UNC5D: variants seen among roughly 807,000 people sequenced by gnomAD.
UNC5D encodes the protein netrin receptor UNC5D.
Under a neutral mutation model 105.4 loss-of-function variants are expected in UNC5D, and 39 were observed. The ratio of observed to expected loss-of-function variants is 0.37; its 90% CI spans 0.29 to 0.48. The LOEUF (loss-of-function observed/expected upper bound fraction) is 0.48, where lower values mean the gene tolerates loss of function less well. Ranked by LOEUF, UNC5D falls within the 20% of genes least tolerant of loss-of-function variation. UNC5D has a pLI of 0.98. For missense variants in UNC5D, 991 were observed against 1,202.4 expected, an observed-to-expected ratio of 0.82 and a Z score of 2.60; for synonymous variants, 452 against 450.4, an observed-to-expected ratio of 1.00 and a Z score of -0.04.
chr8:35,414,776 A>G (rs1805424010), intron 1 of UNC5D, among the ~76,000 whole-genome samples: 1 of 152,128 alleles, frequency 6.6e-6, no homozygotes, highest in South Asian at 2.1e-4. Context: ...TGGTTGTCTT[A>G]TTCATTCCTA....
At chr8:35,708,048 T>C (rs1428794774) in intron 8 of UNC5D, among the ~76,000 whole-genome samples, 1 of 152,170 alleles carries the variant, frequency 6.6e-6, no homozygotes, top group Non-Finnish European at 1.5e-5. Context: ...AGGGGCTTAA[T>C]GTGAGACTAC....
At chr8:35,249,934 T>G (rs1803578130) in intron 1 of UNC5D, among the ~76,000 whole-genome samples, 1 of 152,138 alleles carries the variant, frequency 6.6e-6, no homozygotes, top group South Asian at 2.1e-4. Context: ...CATTTTTTTT[T>G]TTCAAAATTG....
chr8:35,750,141 GT>G (rs894144853), intron 12 of UNC5D, among the ~76,000 whole-genome samples: 40 of 151,532 alleles, frequency 2.6e-4, no homozygotes, highest in African/African-American at 9.0e-4. Flanking sequence ...CATTTCTTGA[GT>G]TTTTTTTTCT....
intron 1 of UNC5D, among the ~76,000 whole-genome samples, chr8:35,447,217 A>G (rs889368678): frequency 1.3e-5 from 2 of 152,148 alleles, no homozygotes; most frequent in Non-Finnish European, 2.9e-5. Context: ...TATTTTGTAG[A>G]TGTACAATCT....
At chr8:35,311,491 A>G (rs1808881435) in intron 1 of UNC5D, among the ~76,000 whole-genome samples, 1 of 152,042 alleles carries the variant, frequency 6.6e-6, no homozygotes, top group African/African-American at 2.4e-5. Flanking sequence ...GACAATAATA[A>G]CCTCATCTTC....
At chr8:35,557,044 A>G (rs2130731673) in intron 2 of UNC5D, among the ~76,000 whole-genome samples, 1 of 152,358 alleles carries the variant, frequency 6.6e-6, no homozygotes, top group South Asian at 2.1e-4. Context: ...GATTGAAGCA[A>G]CAGGATTGGA....
intron 6 of UNC5D, 145 bp downstream of exon 6, chr8:35,684,894 G>C (rs777757836): frequency 9.1e-7 from 1 of 1,096,688 alleles, no homozygotes; most frequent in African/African-American, 1.6e-5. Context: ...CTAATGTAAA[G>C]CTCATTGTCA....
At chr8:35,345,687 G>C (rs1354827015) in intron 1 of UNC5D, among the ~76,000 whole-genome samples, 1 of 151,946 alleles carries the variant, frequency 6.6e-6, no homozygotes, top group Non-Finnish European at 1.5e-5. Flanking sequence ...TAAATGTTCT[G>C]TGTGCTCACA....
intron 16 of UNC5D, among the ~76,000 whole-genome samples, chr8:35,779,521 C>T (rs1388176037): frequency 6.6e-6 from 1 of 152,130 alleles, no homozygotes; most frequent in African/African-American, 2.4e-5. Context: ...TGCAGTGGCA[C>T]AATCTCGGCT....
rs1474032015 is a variant in UNC5D, at chr8:35,683,685, G to A, written c.709G>A (p.Val237Met). The change falls in exon 5 of 17, where the codon GTG (valine) becomes ATG (methionine). Residue 237 changes from valine (V) to methionine (M), a missense_variant. Around this residue, in one of 3 missense-constraint regions of UNC5D, gnomAD observed 944 missense variants for 1,131.6 expected, o/e 0.83. Transcript: ENST00000404895. ...TTACACCTGCATGGCAGCCAACATC[G>A]TGGCTAAGAGGAGAAGCCTGTCGGC... is the stretch of plus-strand genomic sequence containing the variant. ...GNYTCMAANI[V>M]AKRRSLSATV... The A allele has an allele frequency of 2.6e-6, 4 of 1,559,994 alleles. No homozygotes were observed. Among genetic ancestry groups the A allele is most frequent in the African/African-American group, 1.4e-5 (1 of 71,232 alleles).
At chr8:35,648,073 A>T in intron 4 of UNC5D, among the ~76,000 whole-genome samples, 1 of 152,168 alleles carries the variant, frequency 6.6e-6, no homozygotes, top group Non-Finnish European at 1.5e-5. Context: ...CTATAGGACA[A>T]TCTGGAGTCC....
At position 35,539,823 on chromosome 8, in the gene UNC5D, G is replaced by T. The variant is rs573903608; in HGVS notation, c.104-9469G>T. On this transcript the variant is annotated intron_variant, in intron 1 of 16. Coordinates refer to ENST00000404895, the MANE Select transcript of UNC5D (RefSeq NM_080872.4). ...AACAGGAGTGTATTTCTTTCAAAGA[G>T]AATTTAATGTTGTTTGTTCCTTACA... is the stretch of plus-strand genomic sequence containing the variant. Among the ~76,000 whole-genome samples, 85 of 152,260 alleles carry T rather than the reference G, an allele frequency of 5.6e-4. 1 individual carries two copies. Among genetic ancestry groups the T allele is most frequent in the Middle Eastern group, 3.4e-3 (1 of 294 alleles).
chr8:35,575,239 T>C (rs1371959386), intron 3 of UNC5D, among the ~76,000 whole-genome samples: 1 of 152,200 alleles, frequency 6.6e-6, no homozygotes, highest in Non-Finnish European at 1.5e-5. Flanking sequence ...CCCTTTTTCT[T>C]GACTCCTTAG....
intron 3 of UNC5D, among the ~76,000 whole-genome samples, chr8:35,587,965 AATAT>A (rs57681405): frequency 0.053 from 5,527 of 105,046 alleles, 359 homozygotes; most frequent in African/African-American, 0.094. Flanking sequence ...TAACTATAAT[AATAT>A]ATATATATAT....
At chr8:35,730,342 T>C (rs1029226302) in intron 10 of UNC5D, among the ~76,000 whole-genome samples, 1 of 152,222 alleles carries the variant, frequency 6.6e-6, no homozygotes, top group African/African-American at 2.4e-5. Context: ...GTAAGGCTGC[T>C]AGTTTTTCCA....
intron 1 of UNC5D, among the ~76,000 whole-genome samples, chr8:35,273,217 C>T (rs1013412360): frequency 6.6e-6 from 1 of 152,096 alleles, no homozygotes. Flanking sequence ...TTTGGAGTCC[C>T]CAGACACAAC....
intron 15 of UNC5D, 150 bp downstream of exon 15, chr8:35,767,216 C>G: frequency 9.5e-7 from 1 of 1,051,778 alleles, no homozygotes. Flanking sequence ...GGAAAATAAG[C>G]TTTGTCGCAT....
At chr8:35,355,921 A>C (rs929454835) in intron 1 of UNC5D, among the ~76,000 whole-genome samples, 2 of 152,080 alleles carry the variant, frequency 1.3e-5, no homozygotes, top group African/African-American at 4.8e-5. Flanking sequence ...CTCACCAGAC[A>C]CTAAACCTGG....
At chr8:35,292,659 A>T (rs914789384) in intron 1 of UNC5D, among the ~76,000 whole-genome samples, 1 of 150,766 alleles carries the variant, frequency 6.6e-6, no homozygotes, top group African/African-American at 2.4e-5. Context: ...AACATAAATG[A>T]TGTATACATA....
Sources: allele counts gnomAD v4.1 joint callset (sites outside exome capture counted in the v4.1 genomes callset), GRCh38; gene constraint gnomAD v4.1.1; regional missense constraint gnomAD v4.1.1; transcripts MANE v1.5; gene names NCBI Gene and HGNC (gene_info 2026-07-23, HGNC 2026-07-21).